FBXO31: variants seen among roughly 807,000 people sequenced by gnomAD.
The protein encoded by FBXO31 is F-box protein 31.
In FBXO31, 24 loss-of-function variants were observed where a neutral mutation model predicts 54.4. The observed-to-expected ratio is 0.44, with a 90% CI of 0.32 to 0.62. The LOEUF is 0.62. Among genes scored for constraint, FBXO31 ranks in the 20% least tolerant of loss-of-function variants. FBXO31 has a pLI of 0.05. For synonymous variants in FBXO31, 388 were observed against 335.6 expected, an observed-to-expected ratio of 1.16 and a Z score of -1.71; for missense variants, 665 against 787.1, an observed-to-expected ratio of 0.84 and a Z score of 1.86.
rs896523443 is a variant in FBXO31 at position 87,327,387 on chromosome 16, G to A, written c.*3901C>T. On this transcript the variant is annotated 3_prime_UTR_variant, in exon 9 of 9. Coordinates refer to ENST00000311635, the MANE Select transcript of FBXO31 (RefSeq NM_024735.5). ...AGACAGGCCCCAAGGCTGGGGCGCA[G>A]GGGCTCACGCCTGTAATCCCAGCAC... The A allele has an allele frequency of 5.2e-5, 8 of 152,732 alleles. No individual in the cohort carries two copies. Among genetic ancestry groups the A allele is most frequent in the African/African-American group, 1.9e-4 (8 of 41,482 alleles). 9.5% of individuals were successfully genotyped at this position (152,732 alleles called of 1,614,324 possible).
In FBXO31 at chr16:87,333,591, C is replaced by T. The variant is rs534857538; in HGVS notation, c.1397+295G>A. Among the ~76,000 whole-genome samples the T allele has an allele frequency of 1.6e-4, 24 of 152,350 alleles. No homozygotes were observed. In the South Asian group the frequency reaches 5.0e-3, roughly 32 times the overall value. On this transcript the variant is annotated intron_variant, in intron 8 of 8. Transcript: ENST00000311635. ...GCTTTAGAAGCCCCTGGGGGAGCGG[C>T]ACTATTGCAGGGATGTGAGGCATCT... is the stretch of plus-strand genomic sequence containing the variant.
In FBXO31 at chr16:87,364,998, C is replaced by T. The variant is rs144435039; in HGVS notation, c.341-4632G>A. 8.3e-3 allele frequency among the ~76,000 whole-genome samples: 442 copies of T among 53,378 alleles called. 6 individuals are homozygous for T. Among genetic ancestry groups the T allele is most frequent in the African/African-American group, 0.034 (427 of 12,700 alleles). The allele number at this position is 53,378 out of a possible 152,430, so 35.0% of individuals were successfully genotyped here. Reference sequence around the variant, plus strand: ...ATCCAGCCTGAGTGACAGAGCGAGACCCCGTCTCTTAAATATATATATATA... The same window carrying T: ...ATCCAGCCTGAGTGACAGAGCGAGATCCCGTCTCTTAAATATATATATATA... On this transcript the variant is annotated intron_variant, in intron 1 of 8. Coordinates refer to ENST00000311635, the MANE Select transcript of FBXO31 (RefSeq NM_024735.5).
intron 2 of FBXO31, among the ~76,000 whole-genome samples, chr16:87,349,179 A>G (rs934901750): frequency 1.3e-5 from 2 of 152,248 alleles, no homozygotes; most frequent in Non-Finnish European, 2.9e-5. Context: ...ATAATTTAAC[A>G]AAATGATTCC....
At chr16:87,366,248 G>A (rs955958475) in intron 1 of FBXO31, among the ~76,000 whole-genome samples, 1 of 152,226 alleles carries the variant, frequency 6.6e-6, no homozygotes, top group African/African-American at 2.4e-5. Flanking sequence ...TTTGTTAACT[G>A]TGACAAATAT....
chr16:87,383,572 G>C lies in FBXO31; in HGVS notation c.173C>G (p.Pro58Arg), dbSNP rs1188700175. The C allele has an allele frequency of 6.6e-7, 1 of 1,513,180 alleles. No homozygotes were observed. The allele number at this position is 1,513,180 out of a possible 1,614,324, so 93.7% of individuals were successfully genotyped here. Residue 58 changes from proline (P) to arginine (R), a missense_variant, in exon 1 of 9, where the codon CCC (proline) becomes CGC (arginine). By Grantham distance (103) the Pro-to-Arg change is moderately radical. This residue lies in a region of FBXO31 where 195 missense variants were observed against 174.8 expected (regional missense o/e 1.12). Coordinates refer to ENST00000311635, the MANE Select transcript of FBXO31 (RefSeq NM_024735.5). This position sits in a 1 kb window ranked among gnomAD's most constrained non-coding sequence, Gnocchi z 4.9. ...CGAGCAGCGCGGGGGCGGCGGCGAG[G>C]GGCCCGCGCACAAGCCGCCCCCGAC... The part of the protein sequence containing the change: ...AGVGGGLCAG[P>R]SPPPPRCSLL...
intron 1 of FBXO31, among the ~76,000 whole-genome samples, chr16:87,377,366 C>A (rs1403571778): frequency 6.6e-6 from 1 of 150,908 alleles, no homozygotes; most frequent in Non-Finnish European, 1.5e-5. Context: ...GGATCATTTA[C>A]GCCGGAGAAG....
intron 2 of FBXO31, among the ~76,000 whole-genome samples, chr16:87,352,242 AC>A (rs1406767176): frequency 1.3e-5 from 2 of 152,240 alleles, no homozygotes; most frequent in African/African-American, 4.8e-5. Flanking sequence ...AGGAGGCTAA[AC>A]AACTACACAG....
At chr16:87,350,247 C>T (rs541193338) in intron 2 of FBXO31, among the ~76,000 whole-genome samples, 5 of 152,234 alleles carry the variant, frequency 3.3e-5, no homozygotes, top group Non-Finnish European at 5.9e-5. Flanking sequence ...AAGTAGGTCG[C>T]CACCTGGATC....
intron 1 of FBXO31, among the ~76,000 whole-genome samples, chr16:87,363,641 G>GC (rs11447584): frequency 0.46 from 69,273 of 152,052 alleles, 18,102 homozygotes; most frequent in East Asian, 1. Flanking sequence ...GGAATAAATA[G>GC]TTTTTTAATG....
At chr16:87,347,043 A>AT in intron 3 of FBXO31, 131 bp downstream of exon 3, 1 of 808,620 alleles carries the variant, frequency 1.2e-6, no homozygotes. Context: ...CAGAGCAAGA[A>AT]TTTTTTGGTA....
At chr16:87,380,767 C>T (rs1907043126) in intron 1 of FBXO31, among the ~76,000 whole-genome samples, 3 of 152,192 alleles carry the variant, frequency 2.0e-5, no homozygotes, top group Admixed American at 6.5e-5. Flanking sequence ...CGCTGAGAAC[C>T]GCAGCAGTGG....
Position 87,335,364 on chromosome 16 carries a change from G to C in FBXO31, c.936C>G (p.His312Gln). The change falls in exon 7 of 9, where the codon CAC becomes CAG. Residue 312 changes from histidine (H) to glutamine (Q), a missense_variant. Coordinates refer to ENST00000311635, the MANE Select transcript of FBXO31 (RefSeq NM_024735.5). The surrounding 1 kb of genome is among the most constrained non-coding windows in gnomAD (Gnocchi z 5.7). ...AGCTGAGCATCACAATCTCCAGGCCGTGGCTGCCATAGGTACCTTTGAAGA... is the reference window on the plus strand; with the variant it reads ...AGCTGAGCATCACAATCTCCAGGCCCTGGCTGCCATAGGTACCTTTGAAGA... ...PGLFKGTYGSHGLEIVMLSFH... is the reference protein window; with the variant it reads ...PGLFKGTYGSQGLEIVMLSFH... The C allele has an allele frequency of 1.2e-6, 2 of 1,613,992 alleles. No homozygotes were observed. The highest frequency in any genetic ancestry group is 1.7e-5 in the Admixed American group (1 of 60,030).
chr16:87,389,003 G>T (rs888470946), intron 1 of FBXO31, among the ~76,000 whole-genome samples: 2 of 152,038 alleles, frequency 1.3e-5, no homozygotes, highest in Admixed American at 6.5e-5. Flanking sequence ...TCTGAATATT[G>T]TTCACTACTA....
At chr16:87,348,209 A>G (rs1485390439) in intron 2 of FBXO31, among the ~76,000 whole-genome samples, 1 of 151,354 alleles carries the variant, frequency 6.6e-6, no homozygotes, top group Non-Finnish European at 1.5e-5. Context: ...GCTGCCACCA[A>G]CCTTCCTGCC....
upstream of FBXO31, chr16:87,392,106 G>A (rs1046875577): frequency 1.5e-5 from 4 of 269,688 alleles, no homozygotes; most frequent in African/African-American, 4.5e-5. Context: ...GGCGCCCAGC[G>A]GTGCTGGGCG....
chr16:87,373,846 AAAC>A (rs1379268511), intron 1 of FBXO31, among the ~76,000 whole-genome samples: 2 of 152,236 alleles, frequency 1.3e-5, no homozygotes, highest in African/African-American at 2.4e-5. Context: ...CTGCATTCAA[AAAC>A]AACATTAAAC....
chr16:87,370,182 G>T (rs1420323258), intron 1 of FBXO31, among the ~76,000 whole-genome samples: 1 of 152,184 alleles, frequency 6.6e-6, no homozygotes, highest in African/African-American at 2.4e-5. Flanking sequence ...AGGGGCCCGG[G>T]GAAGACTCAT....
intron 1 of FBXO31, among the ~76,000 whole-genome samples, chr16:87,373,689 C>T (rs1282242139): frequency 2.0e-5 from 3 of 152,088 alleles, no homozygotes; most frequent in Non-Finnish European, 4.4e-5. Context: ...TGCACCACCA[C>T]ACCCTAAAGC....
At chr16:87,390,638 C>T (rs567904166), upstream of FBXO31, among the ~76,000 whole-genome samples, 8 of 152,058 alleles carry the variant, frequency 5.3e-5, no homozygotes, top group Admixed American at 1.3e-4. Context: ...ATGGGGGTTT[C>T]GCCATGTTGA....
Sources: gnomAD v4.1 joint callset for allele counts (sites outside exome capture counted in the v4.1 genomes callset) on GRCh38, gnomAD v4.1.1 for gene constraint, gnomAD v4.1.1 regional missense constraint, Gnocchi (gnomAD v3.1) non-coding constraint, MANE v1.5 for transcripts, NCBI Gene and HGNC (gene_info 2026-07-23, HGNC 2026-07-21) for gene names.